The following CACNA2D1 variants were observed in gnomAD, a reference collection of about 807,000 sequenced individuals.
The protein encoded by CACNA2D1 is calcium voltage-gated channel auxiliary subunit alpha2delta 1.
A neutral mutation model predicts 171.5 loss-of-function variants in CACNA2D1; 53 were observed. That is an observed-to-expected ratio of 0.31 (90% confidence interval 0.25 to 0.39). The LOEUF (loss-of-function observed/expected upper bound fraction) is 0.39, where lower values mean the gene tolerates loss of function less well. CACNA2D1 is among the 10% of genes least tolerant of loss of function. The probability of loss-of-function intolerance (pLI) is 1.00; values close to 1 mark genes in which losing one functional copy is unlikely to be tolerated. For synonymous variants in CACNA2D1, 442 were observed against 443.1 expected, an observed-to-expected ratio of 1.00 and a Z score of 0.03; for missense variants, 903 against 1,299.8, an observed-to-expected ratio of 0.69 and a Z score of 4.69.
chr7:82,257,048 G>A (rs1031862397), intron 3 of CACNA2D1, among the ~76,000 whole-genome samples: 1 of 152,184 alleles, frequency 6.6e-6, no homozygotes, highest in African/African-American at 2.4e-5. Context: ...CAATTTGGAA[G>A]TGGTTTGTTT....
intron 36 of CACNA2D1, among the ~76,000 whole-genome samples, chr7:81,960,785 A>T (rs781651252): frequency 3.9e-5 from 6 of 152,026 alleles, no homozygotes; most frequent in Non-Finnish European, 8.8e-5. Context: ...ATGTCTGTGA[A>T]ACTCTGATGT....
At chr7:82,262,376 A>G (rs1018178142) in intron 3 of CACNA2D1, among the ~76,000 whole-genome samples, 19 of 152,256 alleles carry the variant, frequency 1.2e-4, no homozygotes, top group African/African-American at 4.3e-4. Flanking sequence ...ACTAAAAGAA[A>G]AACAGATATG....
intron 14 of CACNA2D1, among the ~76,000 whole-genome samples, chr7:82,013,049 T>A (rs1799991642): frequency 6.6e-6 from 1 of 152,070 alleles, no homozygotes; most frequent in Admixed American, 6.6e-5. Flanking sequence ...TGGGAGGTAT[T>A]TAAGTTCCAA....
intron 4 of CACNA2D1, among the ~76,000 whole-genome samples, chr7:82,154,611 G>A (rs949959957): frequency 6.6e-6 from 1 of 151,736 alleles, no homozygotes; most frequent in Non-Finnish European, 1.5e-5. Flanking sequence ...AAAAAGATAT[G>A]GTATGCACAC....
At chr7:82,398,267 T>C (rs1825951894) in intron 1 of CACNA2D1, among the ~76,000 whole-genome samples, 1 of 152,226 alleles carries the variant, frequency 6.6e-6, no homozygotes, top group Non-Finnish European at 1.5e-5. Flanking sequence ...ATGATTTTTA[T>C]TGCAGCAAAT....
intron 1 of CACNA2D1, among the ~76,000 whole-genome samples, chr7:82,395,707 C>T (rs1390474646): frequency 6.6e-6 from 1 of 152,118 alleles, no homozygotes; most frequent in African/African-American, 2.4e-5. Flanking sequence ...AACAGGCATG[C>T]CTACCTGCAT....
At chr7:82,060,193 TATATATATTATATATATA>T (rs1562981724) in intron 10 of CACNA2D1, among the ~76,000 whole-genome samples, 3 of 10,490 alleles carry the variant, frequency 2.9e-4, no homozygotes, top group Middle Eastern at 0.056. Context: ...ATATATATTA[TATATATATTATATATATA>T]ATATATATAT....
intron 7 of CACNA2D1, among the ~76,000 whole-genome samples, chr7:82,073,747 C>T (rs1157491764): frequency 2.6e-5 from 4 of 152,122 alleles, no homozygotes; most frequent in Admixed American, 2.6e-4. Context: ...ATTACAGGTG[C>T]CCACAACCAC....
chr7:82,111,442 ATATTT>A (rs1563065573), intron 6 of CACNA2D1, among the ~76,000 whole-genome samples: 56 of 98,810 alleles, frequency 5.7e-4, no homozygotes, highest in Admixed American at 1.1e-3. Context: ...ATATATATAT[ATATTT>A]TTTTTTTTTT....
rs111248230 is a variant in CACNA2D1 at position 82,350,924 on chromosome 7, C to T, written c.96-1275G>A. ...ATGGATGTCAGGATATTTTAGAAGA[C>T]CCTAAATCCATGTTCTATCTCACTT... On this transcript the variant is annotated intron_variant, in intron 1 of 38. Transcript: ENST00000356860. Among the ~76,000 whole-genome samples, 1,323 of 152,236 alleles carry T rather than the reference C, an allele frequency of 8.7e-3. 27 individuals carry two copies. In the South Asian group the frequency reaches 0.095, roughly 11 times the overall value.
At chr7:81,961,278 A>G (rs73375730) in intron 36 of CACNA2D1, among the ~76,000 whole-genome samples, 2,776 of 152,026 alleles carry the variant, frequency 0.018, 82 homozygotes, top group African/African-American at 0.064. Context: ...CCTCATTACA[A>G]CAAAATTAAA....
intron 1 of CACNA2D1, among the ~76,000 whole-genome samples, chr7:82,397,115 C>T (rs567074502): frequency 2.7e-4 from 41 of 152,274 alleles, no homozygotes; most frequent in Non-Finnish European, 5.6e-4. Flanking sequence ...ATCATTTGGT[C>T]TTGGAACCAA....
intron 24 of CACNA2D1, among the ~76,000 whole-genome samples, chr7:81,980,107 A>ATGTG (rs34780042): frequency 1.0e-5 from 1 of 99,442 alleles, no homozygotes; most frequent in Admixed American, 1.2e-4. Flanking sequence ...ATATGTATGT[A>ATGTG]TGTGTGTGTA....
chr7:82,249,728 T>G (rs1805397184), intron 3 of CACNA2D1, among the ~76,000 whole-genome samples: 1 of 152,196 alleles, frequency 6.6e-6, no homozygotes, highest in Admixed American at 6.5e-5. Context: ...TCTATAATCA[T>G]GCACGCATGT....
At chr7:81,978,409 A>G (rs571520577) in intron 24 of CACNA2D1, among the ~76,000 whole-genome samples, 2 of 152,162 alleles carry the variant, frequency 1.3e-5, no homozygotes, top group South Asian at 4.1e-4. Context: ...TGCAGCCATA[A>G]TAAGTTCATG....
intron 3 of CACNA2D1, among the ~76,000 whole-genome samples, chr7:82,304,712 G>A (rs1381939506): frequency 6.6e-6 from 1 of 152,102 alleles, no homozygotes; most frequent in Non-Finnish European, 1.5e-5. Context: ...AATATTTTAG[G>A]GGAGGGGTGT....
At chr7:81,951,975 T>TTTTTTTTTTTTGTTTTG (rs1584130006) in intron 38 of CACNA2D1, among the ~76,000 whole-genome samples, 1 of 147,376 alleles carries the variant, frequency 6.8e-6, no homozygotes, top group Non-Finnish European at 1.5e-5. Flanking sequence ...AAGTGTTTTT[T>TTTTTTTTTTTTGTTTTG]TTTTTTTTTT....
Position 82,443,607 on chromosome 7 carries a change from C to A in CACNA2D1, c.-148G>T, listed in dbSNP as rs895442293. ...GCGCCCGGGGCCCGAGGCGCGGAGCCGCGCGGGGGACGGCAAGGGCGGGAG... is the reference window on the plus strand; with the variant it reads ...GCGCCCGGGGCCCGAGGCGCGGAGCAGCGCGGGGGACGGCAAGGGCGGGAG... On this transcript the variant is annotated 5_prime_UTR_variant, in exon 1 of 39. Coordinates refer to ENST00000356860, the MANE Select transcript of CACNA2D1 (RefSeq NM_000722.4). 8 of 1,372,598 alleles carry A rather than the reference C, an allele frequency of 5.8e-6. No homozygotes were observed. Among genetic ancestry groups the A allele is most frequent in the Non-Finnish European group, 2.8e-6 (3 of 1,068,368 alleles). The allele number at this position is 1,372,598 out of a possible 1,614,324, so 85.0% of individuals were successfully genotyped here.
At chr7:82,316,641 C>T (rs1389162361) in intron 3 of CACNA2D1, among the ~76,000 whole-genome samples, 1 of 152,172 alleles carries the variant, frequency 6.6e-6, no homozygotes. Flanking sequence ...AGTCTGTTCT[C>T]ATGCTCCTAA....
Sources: allele counts gnomAD v4.1 joint callset (sites outside exome capture counted in the v4.1 genomes callset), GRCh38; gene constraint gnomAD v4.1.1; transcripts MANE v1.5; gene names NCBI Gene and HGNC (gene_info 2026-07-23, HGNC 2026-07-21).